Variants in EDARADD observed in about 807,000 individuals in gnomAD.
The protein encoded by EDARADD is ectodysplasin-A receptor-associated adapter protein.
In EDARADD, 20 loss-of-function variants were observed where a neutral mutation model predicts 25.6. The observed-to-expected ratio is 0.78, with a 90% CI of 0.55 to 1.14. The LOEUF is 1.14. EDARADD is among the 50% of genes most tolerant of loss of function. The probability of loss-of-function intolerance (pLI) is 0.00; values close to 1 mark genes in which losing one functional copy is unlikely to be tolerated. For missense variants in EDARADD, 225 were observed against 270.1 expected (o/e 0.83, Z 1.17); for synonymous variants, 86 against 94.4 (o/e 0.91, Z 0.52).
chr1:236,418,318 C>T (rs574256577), intron 3 of EDARADD, among the ~76,000 whole-genome samples: 2 of 151,448 alleles, frequency 1.3e-5, no homozygotes, highest in Non-Finnish European at 2.9e-5. Flanking sequence ...GATCTCGACT[C>T]ACTGCAACCT....
intron 5 of EDARADD, among the ~76,000 whole-genome samples, chr1:236,476,740 G>A (rs1229184622): frequency 2.6e-5 from 4 of 152,104 alleles, no homozygotes; most frequent in African/African-American, 9.7e-5. Context: ...GGTCAGGCTG[G>A]TCTTGAACTC....
chr1:236,367,478 C>T (rs1667125339), intron 3 of EDARADD, among the ~76,000 whole-genome samples: 1 of 152,154 alleles, frequency 6.6e-6, no homozygotes, highest in Non-Finnish European at 1.5e-5. Flanking sequence ...ATCCGCCCAC[C>T]TCAGCCTCCC....
chr1:236,393,070 C>A (rs531628481), upstream of EDARADD, among the ~76,000 whole-genome samples: 15 of 152,292 alleles, frequency 9.8e-5, no homozygotes, highest in Admixed American at 3.9e-4. Flanking sequence ...CATGTGTGAG[C>A]CACCATGCCC....
intron 3 of EDARADD, among the ~76,000 whole-genome samples, chr1:236,352,530 A>G (rs1666928282): frequency 6.6e-6 from 1 of 151,850 alleles, no homozygotes; most frequent in African/African-American, 2.4e-5. Flanking sequence ...CAAAGCAAGA[A>G]CCCCATATCT....
Position 236,405,822 on chromosome 1 carries a change from T to TTCC in EDARADD, c.62-3393_62-3392insCCT, listed in dbSNP as rs1667711688. On this transcript the variant is annotated intron_variant, in intron 1 of 5. Coordinates refer to ENST00000334232, the MANE Select transcript of EDARADD (RefSeq NM_145861.4). ...TTTCTTTCTTTCTTTCCTTCCTTCC[T>TTCC]TTCCTTCCTTCCTTCCTTCCTTCCT... is the stretch of plus-strand genomic sequence containing the variant. Among the ~76,000 whole-genome samples, 163 of 55,430 alleles carry TTCC rather than the reference T, an allele frequency of 2.9e-3. 5 individuals carry two copies. Among genetic ancestry groups the TTCC allele is most frequent in the African/African-American group, 0.011 (135 of 12,834 alleles). 36.4% of individuals were successfully genotyped at this position (55,430 alleles called of 152,430 possible).
rs12079100 is a variant in EDARADD, at chr1:236,455,174, T to C, written c.220-13057T>C. ...GCAGTGAGCCGAGATTGTGCCACTGTACTCCAGCCTGGGTGACAGAGCAAG... is the reference window on the plus strand; with the variant it reads ...GCAGTGAGCCGAGATTGTGCCACTGCACTCCAGCCTGGGTGACAGAGCAAG... On this transcript the variant is annotated intron_variant, in intron 4 of 5. Coordinates refer to ENST00000334232, the MANE Select transcript of EDARADD (RefSeq NM_145861.4). 5.0e-3 allele frequency among the ~76,000 whole-genome samples: 755 copies of C among 151,442 alleles called. 4 individuals are homozygous for C. The highest frequency in any genetic ancestry group is 0.017 in the African/African-American group (691 of 41,202).
At chr1:236,448,313 G>C (rs1020367725) in intron 4 of EDARADD, among the ~76,000 whole-genome samples, 5 of 152,210 alleles carry the variant, frequency 3.3e-5, no homozygotes, top group African/African-American at 1.2e-4. Context: ...GAGGAATGCA[G>C]ACACGTTCAC....
At chr1:236,456,723 T>TC (rs58539428) in intron 4 of EDARADD, among the ~76,000 whole-genome samples, 1 of 110,804 alleles carries the variant, frequency 9.0e-6, no homozygotes, top group Admixed American at 1.0e-4. Context: ...CCCTCCCCCC[T>TC]CCCCCTCACT....
At chr1:236,401,211 AAAC>A (rs1215688420) in intron 1 of EDARADD, among the ~76,000 whole-genome samples, 2 of 152,104 alleles carry the variant, frequency 1.3e-5, no homozygotes, top group Non-Finnish European at 2.9e-5. Context: ...CTATGGTACA[AAAC>A]AACACACAAA....
Position 236,483,451 on chromosome 1 carries a change from A to G in EDARADD, c.*802A>G. The stretch of plus-strand genomic sequence containing the variant: ...GAGAAGATTGACAAACTTATGATAG[A>G]GATGGATGGAACAGAAAATAAATCT... On this transcript the variant is annotated 3_prime_UTR_variant, in exon 6 of 6. Coordinates refer to ENST00000334232, the MANE Select transcript of EDARADD (RefSeq NM_145861.4). 1 of 1,044,318 alleles carries G rather than the reference A, an allele frequency of 9.6e-7. No homozygotes were observed. Among genetic ancestry groups the G allele is most frequent in the Non-Finnish European group, 1.5e-6 (1 of 662,666 alleles). The allele number at this position is 1,044,318 out of a possible 1,614,324, so 64.7% of individuals were successfully genotyped here.
intron 3 of EDARADD, among the ~76,000 whole-genome samples, chr1:236,424,403 C>T (rs1201963492): frequency 6.6e-6 from 1 of 151,912 alleles, no homozygotes; most frequent in Admixed American, 6.6e-5. Flanking sequence ...CCTCAAGCAA[C>T]CCTCCCATCT....
At chr1:236,428,755 A>G (rs947237904) in intron 4 of EDARADD, among the ~76,000 whole-genome samples, 5 of 149,950 alleles carry the variant, frequency 3.3e-5, no homozygotes, top group African/African-American at 4.8e-5. Context: ...AGAGGCTGCA[A>G]TCTCGGCACT....
chr1:236,419,795 T>C (rs1291269213), intron 3 of EDARADD, among the ~76,000 whole-genome samples: 1 of 152,202 alleles, frequency 6.6e-6, no homozygotes, highest in African/African-American at 2.4e-5. Flanking sequence ...GAAAAGAAAG[T>C]CTTTTATTCC....
intron 4 of EDARADD, among the ~76,000 whole-genome samples, chr1:236,456,177 G>A (rs1658859659): frequency 6.6e-6 from 1 of 152,198 alleles, no homozygotes; most frequent in Non-Finnish European, 1.5e-5. Context: ...CGTCTCCTGA[G>A]TTCAAATCAA....
intron 4 of EDARADD, among the ~76,000 whole-genome samples, chr1:236,433,315 G>A (rs183644470): frequency 3.4e-5 from 2 of 58,600 alleles, no homozygotes; most frequent in East Asian, 1.7e-3. Context: ...CCAGCACTTT[G>A]GGGGGGGCCG....
chr1:236,483,086 C>T lies in EDARADD; in HGVS notation c.*437C>T, dbSNP rs1456613356. ...CCCACGGTTTCAAAGAAAACAGCTA[C>T]AAGGAATGCTTACCTGAGTGTCTGC... On this transcript the variant is annotated 3_prime_UTR_variant, in exon 6 of 6. Transcript: ENST00000334232. The T allele has an allele frequency of 2.1e-6, 2 of 944,070 alleles. No homozygotes were observed. Among genetic ancestry groups the T allele is most frequent in the Non-Finnish European group, 3.3e-6 (2 of 605,944 alleles). The allele number at this position is 944,070 out of a possible 1,614,324, so 58.5% of individuals were successfully genotyped here.
At chr1:236,383,048 G>A (rs1488286847) in intron 3 of EDARADD, among the ~76,000 whole-genome samples, 2 of 152,046 alleles carry the variant, frequency 1.3e-5, no homozygotes, top group African/African-American at 2.4e-5. Context: ...CTCAAACCAG[G>A]GAGTCCAGCA....
At chr1:236,458,811 TTTTTGTA>T (rs1658956861) in intron 4 of EDARADD, among the ~76,000 whole-genome samples, 2 of 152,020 alleles carry the variant, frequency 1.3e-5, no homozygotes, top group Non-Finnish European at 2.9e-5. Flanking sequence ...GCCCAGCTAC[TTTTTGTA>T]TTTTTAGTAG....
chr1:236,462,840 T>C (rs892569651), intron 4 of EDARADD, among the ~76,000 whole-genome samples: 4 of 152,228 alleles, frequency 2.6e-5, no homozygotes, highest in African/African-American at 9.6e-5. Flanking sequence ...TTCTTTAGTT[T>C]ACTTGAATAT....
Sources: gnomAD v4.1 joint callset for allele counts (sites outside exome capture counted in the v4.1 genomes callset) on GRCh38, gnomAD v4.1.1 for gene constraint, MANE v1.5 for transcripts, NCBI Gene and HGNC (gene_info 2026-07-23, HGNC 2026-07-21) for gene names.